Variants in IPP observed in about 807,000 individuals in gnomAD.
IPP encodes actin-binding protein IPP.
Under a neutral mutation model 64.1 loss-of-function variants are expected in IPP, and 41 were observed. The observed-to-expected ratio is 0.64, with a 90% CI of 0.50 to 0.83. The LOEUF (loss-of-function observed/expected upper bound fraction) is 0.83, where lower values mean the gene tolerates loss of function less well. IPP is among the 40% of genes least tolerant of loss of function. IPP has a pLI of 0.00. For synonymous variants in IPP, 214 were observed against 235.2 expected, an observed-to-expected ratio of 0.91 and a Z score of 0.83; for missense variants, 649 against 703.0, an observed-to-expected ratio of 0.92 and a Z score of 0.87.
Position 45,699,768 on chromosome 1 carries a change from T to C in IPP, c.*198A>G. 1 of 1,351,820 alleles carries C rather than the reference T, an allele frequency of 7.4e-7. No individual in the cohort carries two copies. Among genetic ancestry groups the C allele is most frequent in the South Asian group, 1.7e-5 (1 of 57,384 alleles). The allele number at this position is 1,351,820 out of a possible 1,614,324, so 83.7% of individuals were successfully genotyped here. ...ACCTCAAATTCCTGGGCTCAAGTGA[T>C]CCTTCTGCCTCAGCCTTCCAAAGTG... On this transcript the variant is annotated 3_prime_UTR_variant, in exon 9 of 9. Transcript: ENST00000396478.
At chr1:45,715,741 C>T (rs1009034479) in intron 7 of IPP, among the ~76,000 whole-genome samples, 4 of 152,206 alleles carry the variant, frequency 2.6e-5, no homozygotes, top group Admixed American at 2.0e-4. Context: ...TAACTCACAA[C>T]CTTCCTGATC....
Position 45,698,731 on chromosome 1 carries a change from T to TC in IPP, c.*1234_*1235insG, listed in dbSNP as rs1409000244. 1.7e-6 allele frequency: 1 copy of TC among 591,704 alleles called. No individual in the cohort carries two copies. The highest frequency in any genetic ancestry group is 2.2e-5 in the African/African-American group (1 of 45,708). 36.7% of individuals were successfully genotyped at this position (591,704 alleles called of 1,614,324 possible). The stretch of plus-strand genomic sequence containing the variant: ...AATTTTTTTTTCTTTTTTTTTTTTT[T>TC]TTTTTGAGACAGGTTCTCATGCTGT... On this transcript the variant is annotated 3_prime_UTR_variant, in exon 9 of 9. Coordinates refer to ENST00000396478, the MANE Select transcript of IPP (RefSeq NM_005897.3).
At chr1:45,747,085 C>T (rs568507550) in intron 1 of IPP, among the ~76,000 whole-genome samples, 43 of 152,172 alleles carry the variant, frequency 2.8e-4, no homozygotes, top group African/African-American at 8.9e-4. Flanking sequence ...TACCCTACCA[C>T]CCTACTCTTA....
intron 3 of IPP, among the ~76,000 whole-genome samples, chr1:45,736,162 A>C (rs1227970049): frequency 6.6e-6 from 1 of 151,894 alleles, no homozygotes; most frequent in East Asian, 1.9e-4. Context: ...CACTATGTTC[A>C]GCCCAGGCTA....
chr1:45,730,041 A>T (rs187162651), intron 3 of IPP, among the ~76,000 whole-genome samples: 2 of 152,330 alleles, frequency 1.3e-5, no homozygotes, highest in South Asian at 2.1e-4. Context: ...GCTTCACAGT[A>T]TCCCCCCATG....
chr1:45,732,157 C>G (rs574251474), intron 3 of IPP, among the ~76,000 whole-genome samples: 1 of 151,768 alleles, frequency 6.6e-6, no homozygotes, highest in East Asian at 1.9e-4. Flanking sequence ...GTCAAGAGTT[C>G]AAGACCAGTC....
chr1:45,702,442 G>A lies in IPP; in HGVS notation c.1531-2252C>T, dbSNP rs192354120. 2.3e-4 allele frequency among the ~76,000 whole-genome samples: 35 copies of A among 152,054 alleles called. No individual in the cohort carries two copies. The East Asian group carries it at 3.9e-3, about 17-fold the overall frequency. On this transcript the variant is annotated intron_variant, in intron 8 of 8. Transcript: ENST00000396478. ...ATAAAAAACAAGGTAACACATTGTCGTTGTTGTTGTTGTTATTATTATTAT... is the reference window on the plus strand; with the variant it reads ...ATAAAAAACAAGGTAACACATTGTCATTGTTGTTGTTGTTATTATTATTAT...
At chr1:45,708,315 C>T (rs920856210) in intron 8 of IPP, among the ~76,000 whole-genome samples, 3 of 151,306 alleles carry the variant, frequency 2.0e-5, no homozygotes, top group East Asian at 4.0e-4. Flanking sequence ...CTGCCCGCCT[C>T]GGCCTCCCAA....
At chr1:45,697,684 T>C (rs745665537), downstream of IPP, among the ~76,000 whole-genome samples, 1 of 151,704 alleles carries the variant, frequency 6.6e-6, no homozygotes, top group Non-Finnish European at 1.5e-5. Context: ...ATCGGCAGAG[T>C]GCGGTGGCTC....
intron 3 of IPP, among the ~76,000 whole-genome samples, chr1:45,732,361 C>CAAAAAAAAAAAA (rs779442718): frequency 1.7e-5 from 1 of 59,758 alleles, no homozygotes; most frequent in Non-Finnish European, 2.8e-5. Flanking sequence ...GACTCCACCT[C>CAAAAAAAAAAAA]AAAAAAAAAA....
chr1:45,699,069 TG>T lies in IPP; in HGVS notation c.*896del. ...TCTAGGTGCATACTGCCTGCTGGACTGTATAGCCCATTACAACATCTGGTCA... is the reference window on the plus strand; with the variant it reads ...TCTAGGTGCATACTGCCTGCTGGACTTATAGCCCATTACAACATCTGGTCA... On this transcript the variant is annotated 3_prime_UTR_variant, in exon 9 of 9. Coordinates refer to ENST00000396478, the MANE Select transcript of IPP (RefSeq NM_005897.3). 2.0e-6 allele frequency: 2 copies of T among 985,404 alleles called. No homozygotes were observed. The highest frequency in any genetic ancestry group is 2.4e-6 in the Non-Finnish European group (2 of 829,944). The allele number at this position is 985,404 out of a possible 1,614,324, so 61.0% of individuals were successfully genotyped here. A position where few individuals can be genotyped will look rare whatever the true frequency, so the allele number is the denominator to read the frequency against.
chr1:45,726,676 G>A lies in IPP; in HGVS notation c.1048+955C>T, dbSNP rs530802467. On this transcript the variant is annotated intron_variant, in intron 5 of 8. Transcript: ENST00000396478. ...TAAATGAATCATTATGCAGCTTTCA[G>A]AATTTAAAAAAATTCTATCATAAAT... Among the ~76,000 whole-genome samples the A allele has an allele frequency of 6.0e-5, 9 of 149,938 alleles. No individual in the cohort carries two copies. In the South Asian group the frequency reaches 1.9e-3, roughly 32 times the overall value.
At chr1:45,734,026 CAAA>C (rs910024841) in intron 3 of IPP, among the ~76,000 whole-genome samples, 2 of 151,730 alleles carry the variant, frequency 1.3e-5, no homozygotes, top group Admixed American at 6.6e-5. Context: ...AGACCATGGT[CAAA>C]AAGCTGGTAG....
downstream of IPP, among the ~76,000 whole-genome samples, chr1:45,696,496 G>C (rs1156735622): frequency 6.6e-6 from 1 of 152,094 alleles, no homozygotes; most frequent in East Asian, 1.9e-4. Flanking sequence ...AAACAATCTT[G>C]TTAGCCTGGT....
At chr1:45,732,374 A>AAAAAAC (rs1309539086) in intron 3 of IPP, among the ~76,000 whole-genome samples, 25 of 151,012 alleles carry the variant, frequency 1.7e-4, no homozygotes, top group Admixed American at 9.9e-4. Flanking sequence ...AAAAAAAAAA[A>AAAAAAC]AAAAAACACA....
At chr1:45,744,649 G>A (rs1480163905) in intron 2 of IPP, among the ~76,000 whole-genome samples, 1 of 152,044 alleles carries the variant, frequency 6.6e-6, no homozygotes, top group Non-Finnish European at 1.5e-5. Flanking sequence ...GACCATCCTG[G>A]CCAACATGGT....
intron 1 of IPP, among the ~76,000 whole-genome samples, chr1:45,747,119 A>AGCGC (rs552812489): frequency 6.0e-5 from 9 of 149,580 alleles, no homozygotes; most frequent in Non-Finnish European, 1.0e-4. Context: ...CGCGCACACG[A>AGCGC]GCGCGCGCGC....
chr1:45,750,523 C>T (rs1321763787), intron 1 of IPP, 74 bp downstream of exon 1: 3 of 152,304 alleles, frequency 2.0e-5, no homozygotes, highest in African/African-American at 4.8e-5. Flanking sequence ...CTCAGGGGTC[C>T]GGAAAGCCGG....
At position 45,746,102 on chromosome 1, in the gene IPP, C is replaced by G. The variant is rs372769535; in HGVS notation, c.292+18G>C. The G allele has an allele frequency of 1.9e-6, 3 of 1,589,860 alleles. No individual in the cohort carries two copies. The highest frequency in any genetic ancestry group is 2.6e-6 in the Non-Finnish European group (3 of 1,160,208). ...TTGAATCATTCTTCAGTCAAAGCAA[C>G]AGACTCATGTAACATACCTGTGTAA... On this transcript the variant is annotated intron_variant, in intron 2 of 8. Transcript: ENST00000396478.
Sources: allele counts gnomAD v4.1 joint callset (sites outside exome capture counted in the v4.1 genomes callset), GRCh38; gene constraint gnomAD v4.1.1; transcripts MANE v1.5; gene names NCBI Gene and HGNC (gene_info 2026-07-23, HGNC 2026-07-21).